PELP1: variants seen among roughly 807,000 people sequenced by gnomAD.
PELP1 encodes proline-, glutamic acid- and leucine-rich protein 1.
In PELP1, 32 loss-of-function variants were observed where a neutral mutation model predicts 95.5. That is an observed-to-expected ratio of 0.34 (90% CI 0.25 to 0.45). The LOEUF is 0.45. Ranked by LOEUF, PELP1 falls within the 20% of genes least tolerant of loss-of-function variation. The pLI is 1.00. For missense variants in PELP1, 1,358 were observed against 1,444.8 expected, an observed-to-expected ratio of 0.94 and a Z score of 0.97; for synonymous variants, 668 against 600.1, an observed-to-expected ratio of 1.11 and a Z score of -1.65.
chr17:4,672,147 CTCT>C lies in PELP1; in HGVS notation c.2841_2843del (p.Glu949del), dbSNP rs747605011. ...GTTCTTCTTCCTCCTCCTCATCCTC[CTCT>C]TCTTCTTCTTCCTCTAACTCACCTT... On this transcript the variant is annotated inframe_deletion, in exon 16 of 17. Transcript: ENST00000572293. The C allele has an allele frequency of 7.0e-4, 1,090 of 1,548,354 alleles. 3 individuals carry two copies. The highest frequency in any genetic ancestry group is 5.5e-3 in the African/African-American group (395 of 71,314).
At chr17:4,696,976 G>T (rs1411351621) in intron 1 of PELP1, 2 of 152,158 alleles carry the variant, frequency 1.3e-5, no homozygotes, top group African/African-American at 4.8e-5. Flanking sequence ...TATTTAACAT[G>T]AAAACGGAGA....
At position 4,672,695 on chromosome 17, in the gene PELP1, C is replaced by T. The variant is rs758108021; in HGVS notation, c.2296G>A (p.Val766Ile). Residue 766 changes from valine (V) to isoleucine (I), a missense_variant, in exon 16 of 17, where the codon GTC becomes ATC. By Grantham distance (29) the Val-to-Ile change is conservative (BLOSUM62 3). Around this residue, in one of 7 missense-constraint regions of PELP1, gnomAD observed 340 missense variants for 322.9 expected, o/e 1.05. Transcript: ENST00000572293. The stretch of plus-strand genomic sequence containing the variant: ...GATGCCTCCTCCTTGTCATAGTGGA[C>T]AAAGGCTGGTCTGGGCACTCTCCCC... ...FGGRVPRPAF[V>I]HYDKEEASDV... The T allele has an allele frequency of 1.9e-6, 3 of 1,613,330 alleles. No homozygotes were observed. The African/African-American group carries it at 4.0e-5, about 22-fold the overall frequency.
chr17:4,685,518 G>A (rs917905742), intron 3 of PELP1, among the ~76,000 whole-genome samples: 5 of 152,092 alleles, frequency 3.3e-5, no homozygotes, highest in Non-Finnish European at 5.9e-5. Flanking sequence ...GGCCAGGCAC[G>A]GTAGCACCTG....
At chr17:4,678,540 A>G (rs1481716072) in intron 5 of PELP1, among the ~76,000 whole-genome samples, 2 of 152,206 alleles carry the variant, frequency 1.3e-5, no homozygotes, top group African/African-American at 4.8e-5. Context: ...AAAGCAGTGT[A>G]CGGTGAAGCG....
chr17:4,675,932 T>A lies in PELP1; in HGVS notation c.981-48A>T, dbSNP rs770776768. The A allele has an allele frequency of 6.3e-7, 1 of 1,585,074 alleles. No homozygotes were observed. Among genetic ancestry groups the A allele is most frequent in the Non-Finnish European group, 8.6e-7 (1 of 1,162,182 alleles). ...GACCTTCAGAGCAGGCTCCCTGGCA[T>A]AACTCCCACACCCACCTTCATCTCC... is the stretch of plus-strand genomic sequence containing the variant. On this transcript the variant is annotated intron_variant, in intron 8 of 16. Coordinates refer to ENST00000572293, the MANE Select transcript of PELP1 (RefSeq NM_014389.3). This position sits in a 1 kb window ranked among gnomAD's most constrained non-coding sequence, Gnocchi z 4.3.
At chr17:4,701,828 GA>G (rs1412158896) in intron 1 of PELP1, among the ~76,000 whole-genome samples, 1 of 152,114 alleles carries the variant, frequency 6.6e-6, no homozygotes, top group Non-Finnish European at 1.5e-5. Context: ...TTTGGGGAAG[GA>G]AAGGAAATCC....
At chr17:4,676,599 C>T (rs1912489529) in intron 6 of PELP1, 92 bp from the exon 7 acceptor site, 1 of 1,514,500 alleles carries the variant, frequency 6.6e-7, no homozygotes, top group Non-Finnish European at 9.1e-7. Context: ...AGATGGAGAT[C>T]AGAGAGAGCT....
At chr17:4,671,562 T>C (rs757181574) in intron 16 of PELP1, 31 bp from the exon 17 acceptor site, 6 of 1,612,490 alleles carry the variant, frequency 3.7e-6, no homozygotes, top group African/African-American at 2.7e-5. Context: ...AGATTCAGAA[T>C]AGTCACACAC....
At chr17:4,684,781 G>A (rs149504191) in intron 3 of PELP1, among the ~76,000 whole-genome samples, 2 of 152,144 alleles carry the variant, frequency 1.3e-5, no homozygotes, top group African/African-American at 2.4e-5. Context: ...TGCAACCTCC[G>A]CCTCCCAGGT....
In PELP1 at chr17:4,670,709, G is replaced by GT. The variant is rs1912161990; in HGVS notation, c.*729_*730insA. 3 of 152,000 alleles carry GT rather than the reference G, an allele frequency of 2.0e-5. No individual in the cohort carries two copies. The South Asian group carries it at 6.2e-4, about 32-fold the overall frequency. 9.4% of individuals were successfully genotyped at this position (152,000 alleles called of 1,614,324 possible). A position where few individuals can be genotyped will look rare whatever the true frequency, so the allele number is the denominator to read the frequency against. Reference sequence around the variant, plus strand: ...CACTCCAGCCTGGGCGACAGAGCAGGAGTCCATCTCAAAAAAAAAAAGAAA... The same window carrying GT: ...CACTCCAGCCTGGGCGACAGAGCAGGTAGTCCATCTCAAAAAAAAAAAGAAA... On this transcript the variant is annotated 3_prime_UTR_variant, in exon 17 of 17. Coordinates refer to ENST00000572293, the MANE Select transcript of PELP1 (RefSeq NM_014389.3).
At chr17:4,694,424 G>A (rs144160003) in intron 1 of PELP1, among the ~76,000 whole-genome samples, 1,846 of 148,884 alleles carry the variant, frequency 0.012, 11 homozygotes, top group Middle Eastern at 0.059. Context: ...GGCCAAGGTG[G>A]GCAGACCACC....
At position 4,675,400 on chromosome 17, in the gene PELP1, GA is replaced by G; in HGVS notation, c.1069-39del. The G allele has an allele frequency of 8.0e-7, 1 of 1,249,204 alleles. No individual in the cohort carries two copies. Among genetic ancestry groups the G allele is most frequent in the Non-Finnish European group, 1.1e-6 (1 of 877,366 alleles). The allele number at this position is 1,249,204 out of a possible 1,614,324, so 77.4% of individuals were successfully genotyped here. ...GGGGCAGAGATAAAGAGTGGAGGAA[GA>G]AAGTGAGAGCCAGAGAGAGACAGAA... On this transcript the variant is annotated intron_variant, in intron 9 of 16. Coordinates refer to ENST00000572293, the MANE Select transcript of PELP1 (RefSeq NM_014389.3). The surrounding 1 kb of genome is among the most constrained non-coding windows in gnomAD (Gnocchi z 4.3).
At chr17:4,686,153 C>A (rs1322477308) in intron 3 of PELP1, among the ~76,000 whole-genome samples, 1 of 152,108 alleles carries the variant, frequency 6.6e-6, no homozygotes, top group Non-Finnish European at 1.5e-5. Context: ...CACTGAGATG[C>A]CCGGCCACTT....
rs373091467 is a variant in PELP1 at position 4,687,420 on chromosome 17, T to C, written c.420+3468A>G. Among the ~76,000 whole-genome samples the C allele has an allele frequency of 1.0e-4, 15 of 149,432 alleles. No homozygotes were observed. In the East Asian group the frequency reaches 2.4e-3, roughly 24 times the overall value. ...TTAGCCAAGTGTGGTGGCGGGAGCC[T>C]GTAGTCCCAGCTACTTGGGAGGCTG... On this transcript the variant is annotated intron_variant, in intron 3 of 16. Coordinates refer to ENST00000572293, the MANE Select transcript of PELP1 (RefSeq NM_014389.3).
rs746144990 is a variant in PELP1, at chr17:4,672,887, G to A, written c.2104C>T (p.Pro702Ser). ...AGPVPSARPG[P>S]PTTANHLGLS... ...CCTAGGTGGTTGGCTGTGGTGGGAG[G>A]TCCAGGGCGTGCCGAGGGCACAGGG... Residue 702 changes from proline to serine, a missense_variant, in exon 16 of 17, where the codon CCT (proline) becomes TCT (serine). By Grantham distance (74) the Pro-to-Ser change is moderately conservative (BLOSUM62 -1). This residue lies in a region of PELP1 where 340 missense variants were observed against 322.9 expected (regional missense o/e 1.05). Transcript: ENST00000572293. 2.5e-6 allele frequency: 4 copies of A among 1,613,906 alleles called. No individual in the cohort carries two copies. The highest frequency in any genetic ancestry group is 3.4e-6 in the Non-Finnish European group (4 of 1,179,858).
intron 1 of PELP1, among the ~76,000 whole-genome samples, chr17:4,698,920 CA>C (rs1333237568): frequency 1.3e-5 from 2 of 152,066 alleles, no homozygotes; most frequent in Non-Finnish European, 2.9e-5. Context: ...AGTAAAAGGA[CA>C]TATCTGCAAC....
In PELP1 at chr17:4,690,911, G is replaced by A. The variant is rs1913074215; in HGVS notation, c.397C>T (p.Arg133Trp). The change falls in exon 3 of 17, where the codon CGG becomes TGG. Residue 133 changes from arginine (R) to tryptophan (W), a missense_variant. Arg to Trp is a moderately radical substitution (Grantham distance 101). Coordinates refer to ENST00000572293, the MANE Select transcript of PELP1 (RefSeq NM_014389.3). ...ACCTGTAACACCTGCTGAATGCTCC[G>A]AAGCCAAGACACACAGTGCTGCTGG... ...LFQQHCVSWL[R>W]SIQQVLQTQD... 3 of 1,613,352 alleles carry A rather than the reference G, an allele frequency of 1.9e-6. No homozygotes were observed. The highest frequency in any genetic ancestry group is 2.5e-6 in the Non-Finnish European group (3 of 1,179,434).
In PELP1 at chr17:4,675,310, A is replaced by C; in HGVS notation, c.1121T>G (p.Leu374Arg). The C allele has an allele frequency of 6.4e-7, 1 of 1,566,694 alleles. No homozygotes were observed. Among genetic ancestry groups the C allele is most frequent in the Non-Finnish European group, 8.7e-7 (1 of 1,155,778 alleles). The stretch of plus-strand genomic sequence containing the variant: ...TGCAGACAGCAGGTCCAAGGCCTCA[A>C]GGTGGATAGAGGGCAGCAGCAGCAG... ...LRLLLLPSIH[L>R]EALDLLSALI... The change falls in exon 10 of 17, where the codon CTT (leucine) becomes CGT (arginine). Residue 374 changes from leucine to arginine, a missense_variant. This residue lies in a region of PELP1 where 538 missense variants were observed against 628.1 expected (regional missense o/e 0.86). Transcript: ENST00000572293. This position sits in a 1 kb window ranked among gnomAD's most constrained non-coding sequence, Gnocchi z 4.3.
rs763140306 is a variant in PELP1, at chr17:4,672,939, AGGCATGGGGCCTGCTGAG to A, written c.2034_2051del (p.Met689_Pro694del). On this transcript the variant is annotated inframe_deletion, in exon 16 of 17. Transcript: ENST00000572293. ...CTGCTGAGGGCATGGGGCCTGCTGA[AGGCATGGGGCCTGCTGAG>A]GGCATGGAGCCCACTGAGGGCATGG... The A allele has an allele frequency of 6.2e-7, 1 of 1,608,106 alleles. No homozygotes were observed. The highest frequency in any genetic ancestry group is 1.7e-5 in the Admixed American group (1 of 59,480).
Sources: gnomAD v4.1 joint callset for allele counts (sites outside exome capture counted in the v4.1 genomes callset) on GRCh38, gnomAD v4.1.1 for gene constraint, gnomAD v4.1.1 regional missense constraint, Gnocchi (gnomAD v3.1) non-coding constraint, MANE v1.5 for transcripts, NCBI Gene and HGNC (gene_info 2026-07-23, HGNC 2026-07-21) for gene names.